The following PPP2R2D variants were observed in gnomAD, a reference collection of about 807,000 sequenced individuals.
The protein encoded by PPP2R2D is protein phosphatase 2 regulatory subunit Bdelta, also known as serine/threonine-protein phosphatase 2A 55 kDa regulatory subunit B delta isoform.
A neutral mutation model predicts 31.1 loss-of-function variants in PPP2R2D; 9 were observed. The ratio of observed to expected loss-of-function variants is 0.29; its 90% CI spans 0.17 to 0.51. The LOEUF (loss-of-function observed/expected upper bound fraction) is 0.51. PPP2R2D is among the 20% of genes least tolerant of loss of function. The pLI is 0.98. For missense variants in PPP2R2D, 391 were observed against 465.6 expected (o/e 0.84, Z 1.48); for synonymous variants, 179 against 172.6 (o/e 1.04, Z -0.29).
chr10:131,954,075 C>T (rs1045701785), intron 8 of PPP2R2D, among the ~76,000 whole-genome samples: 2 of 152,218 alleles, frequency 1.3e-5, no homozygotes, highest in Admixed American at 1.3e-4. Flanking sequence ...GGTCGCCCCA[C>T]AGAACCAGTT....
chr10:131,915,353 A>T (rs1564810311), intron 2 of PPP2R2D, among the ~76,000 whole-genome samples: 1 of 152,074 alleles, frequency 6.6e-6, no homozygotes, highest in African/African-American at 2.4e-5. Flanking sequence ...TGTGTACGGG[A>T]GGCTCCGTTG....
At chr10:131,914,955 GGAA>G (rs2035751233) in intron 2 of PPP2R2D, among the ~76,000 whole-genome samples, 1 of 152,144 alleles carries the variant, frequency 6.6e-6, no homozygotes, top group African/African-American at 2.4e-5. Flanking sequence ...ACTCGAAGGA[GGAA>G]GGTTTTTCTC....
intron 5 of PPP2R2D, 47 bp from the exon 6 acceptor site, chr10:131,943,921 T>G: frequency 1.3e-6 from 1 of 755,390 alleles, no homozygotes; most frequent in Non-Finnish European, 2.4e-6. Flanking sequence ...TCTAATTATG[T>G]GCTGCTGTGA....
intron 2 of PPP2R2D, among the ~76,000 whole-genome samples, chr10:131,926,610 C>T (rs1244812371): frequency 2.6e-5 from 4 of 152,332 alleles, no homozygotes; most frequent in East Asian, 1.9e-4. Flanking sequence ...CTGGCAGCCT[C>T]GGTAAACTCT....
chr10:131,946,320 C>T (rs1361463177), intron 7 of PPP2R2D, among the ~76,000 whole-genome samples: 6 of 152,164 alleles, frequency 3.9e-5, no homozygotes, highest in Admixed American at 6.5e-5. Context: ...GTCCCAGTGT[C>T]CTGAAACATT....
At chr10:131,937,937 T>C (rs1424801302) in intron 3 of PPP2R2D, among the ~76,000 whole-genome samples, 1 of 152,152 alleles carries the variant, frequency 6.6e-6, no homozygotes, top group Non-Finnish European at 1.5e-5. Context: ...GGCGCTCAGC[T>C]CCTGCCCGTG....
At chr10:131,908,809 T>C (rs1253113295) in intron 2 of PPP2R2D, among the ~76,000 whole-genome samples, 3 of 152,222 alleles carry the variant, frequency 2.0e-5, no homozygotes, top group African/African-American at 7.2e-5. Flanking sequence ...GGAAAATAGC[T>C]GACTCTGTCA....
intron 2 of PPP2R2D, among the ~76,000 whole-genome samples, chr10:131,928,995 C>T (rs1189222315): frequency 6.6e-6 from 1 of 152,200 alleles, no homozygotes; most frequent in Non-Finnish European, 1.5e-5. Context: ...ATACAACAGG[C>T]GCCTCTGTCC....
chr10:131,940,529 G>A, intron 4 of PPP2R2D, 53 bp from the exon 5 acceptor site: 1 of 709,828 alleles, frequency 1.4e-6, no homozygotes, highest in Non-Finnish European at 2.6e-6. Context: ...AAACAGTAGT[G>A]ATGCATGTTA....
intron 2 of PPP2R2D, among the ~76,000 whole-genome samples, chr10:131,924,550 T>C (rs1397288933): frequency 6.6e-6 from 1 of 152,186 alleles, no homozygotes; most frequent in Non-Finnish European, 1.5e-5. Context: ...GCCAATACCA[T>C]ACTGTCTTGG....
At chr10:131,952,866 TCCCTGTCTTATCAGTGACTTGCGG>T (rs2036702534) in intron 8 of PPP2R2D, among the ~76,000 whole-genome samples, 3 of 14,962 alleles carry the variant, frequency 2.0e-4, no homozygotes, top group African/African-American at 1.3e-3. Flanking sequence ...GCGGGGGGGG[TCCCTGTCTTATCAGTGACTTGCGG>T]GTGTGTGTGG....
rs1589968105 is a variant in PPP2R2D, at chr10:131,957,602, G to T, written c.*1639G>T. The T allele has an allele frequency of 5.7e-6, 1 of 174,716 alleles. No individual in the cohort carries two copies. Among genetic ancestry groups the T allele is most frequent in the South Asian group, 9.6e-5 (1 of 10,456 alleles). The allele number at this position is 174,716 out of a possible 1,614,324, so 10.8% of individuals were successfully genotyped here. A position where few individuals can be genotyped will look rare whatever the true frequency, so the allele number is the denominator to read the frequency against. ...CCCCCATCTCCCTGTGGAGATGAAG[G>T]TGTGTGCTGATCCCCATCCCCCTGT... On this transcript the variant is annotated 3_prime_UTR_variant, in exon 9 of 9. Coordinates refer to ENST00000455566, the MANE Select transcript of PPP2R2D (RefSeq NM_018461.5).
intron 2 of PPP2R2D, among the ~76,000 whole-genome samples, chr10:131,907,632 A>G (rs1485993032): frequency 5.9e-5 from 9 of 152,074 alleles, no homozygotes; most frequent in Admixed American, 2.0e-4. Context: ...AGTCCCAGCT[A>G]CTGGGGAGGC....
In PPP2R2D at chr10:131,955,694, A is replaced by G; in HGVS notation, c.1093A>G (p.Thr365Ala). 6.8e-7 allele frequency: 1 copy of G among 1,460,058 alleles called. No homozygotes were observed. Among genetic ancestry groups the G allele is most frequent in the Non-Finnish European group, 9.1e-7 (1 of 1,098,934 alleles). 90.4% of individuals were successfully genotyped at this position (1,460,058 alleles called of 1,614,324 possible). The change falls in exon 9 of 9, where the codon ACC (threonine) becomes GCC (alanine). Residue 365 changes from threonine (T) to alanine (A), a missense_variant. Coordinates refer to ENST00000455566, the MANE Select transcript of PPP2R2D (RefSeq NM_018461.5). ...CWNGSDSAIM[T>A]GSYNNFFRMF... ...TCTTGTTTTGAACAGCGCCATCATG[A>G]CCGGGTCCTATAACAACTTCTTCAG...
At position 131,945,495 on chromosome 10, in the gene PPP2R2D, T is replaced by C. The variant is rs782053649; in HGVS notation, c.820+36T>C. On this transcript the variant is annotated intron_variant, in intron 7 of 8. Transcript: ENST00000455566. This position sits in a 1 kb window ranked among gnomAD's most constrained non-coding sequence, Gnocchi z 4.8. ...CTGTTGTTGAGATGGAGTCTGGCTC[T>C]GTCACCCAGGCTGCGGTGCAGTGAC... The C allele has an allele frequency of 1.3e-5, 21 of 1,567,384 alleles. No individual in the cohort carries two copies. Among genetic ancestry groups the C allele is most frequent in the Middle Eastern group, 1.7e-4 (1 of 5,768 alleles).
intron 4 of PPP2R2D, 120 bp downstream of exon 4, chr10:131,940,316 A>C (rs377742819): frequency 1.7e-5 from 10 of 572,014 alleles, no homozygotes; most frequent in Middle Eastern, 4.1e-4. Context: ...GGGGAGGGTA[A>C]GTTATCTAGG....
chr10:131,936,209 G>A (rs1262909328), intron 3 of PPP2R2D, among the ~76,000 whole-genome samples: 3 of 151,724 alleles, frequency 2.0e-5, no homozygotes, highest in African/African-American at 7.3e-5. Context: ...GTGCAATGGC[G>A]TGATCTTGGC....
In PPP2R2D at chr10:131,947,604, TTCAG is replaced by T; in HGVS notation, c.899_902del (p.Ser300IlefsTer6). 1 of 1,614,212 alleles carries T rather than the reference TTCAG, an allele frequency of 6.2e-7. No homozygotes were observed. The highest frequency in any genetic ancestry group is 8.5e-7 in the Non-Finnish European group (1 of 1,180,038). On this transcript the variant is annotated frameshift_variant, in exon 8 of 9. Transcript: ENST00000455566. LOFTEE classifies it high-confidence loss of function. This position sits in a 1 kb window ranked among gnomAD's most constrained non-coding sequence, Gnocchi z 4.3. ...AATTTCATCCATATCCGATGTAAAA[TTCAG>T]TCATAGTGGGCGGTACATGATGACC...
At chr10:131,917,229 G>A (rs1554893293) in intron 2 of PPP2R2D, among the ~76,000 whole-genome samples, 1 of 123,696 alleles carries the variant, frequency 8.1e-6, no homozygotes, top group Non-Finnish European at 1.7e-5. Context: ...GGGACCTCAG[G>A]CGGGTGGAAT....
Sources: gnomAD v4.1 joint callset for allele counts (sites outside exome capture counted in the v4.1 genomes callset) on GRCh38, gnomAD v4.1.1 for gene constraint, Gnocchi (gnomAD v3.1) non-coding constraint, MANE v1.5 for transcripts, NCBI Gene and HGNC (gene_info 2026-07-23, HGNC 2026-07-21) for gene names.